Variants in DPP9 observed in about 807,000 individuals in gnomAD.
The protein encoded by DPP9 is dipeptidyl peptidase 9.
A neutral mutation model predicts 110.7 loss-of-function variants in DPP9; 50 were observed. The observed-to-expected ratio is 0.45, with a 90% CI of 0.36 to 0.57. DPP9 has a LOEUF of 0.57. Ranked by LOEUF, DPP9 falls within the 20% of genes least tolerant of loss-of-function variation. The probability of loss-of-function intolerance (pLI) is 0.00; values close to 1 mark genes in which losing one functional copy is unlikely to be tolerated. For synonymous variants in DPP9, 561 were observed against 514.4 expected, an observed-to-expected ratio of 1.09 and a Z score of -1.23; for missense variants, 1,022 against 1,217.9, an observed-to-expected ratio of 0.84 and a Z score of 2.39.
At chr19:4,713,338 C>T (rs565550923) in intron 4 of DPP9, among the ~76,000 whole-genome samples, 1 of 152,248 alleles carries the variant, frequency 6.6e-6, no homozygotes, top group Non-Finnish European at 1.5e-5. Context: ...ATCCGCTGCC[C>T]ACCTCACGGG....
In DPP9 at chr19:4,678,692, C is replaced by T. The variant is rs972841121; in HGVS notation, c.2586+1143G>A. Among the ~76,000 whole-genome samples, 3 of 152,210 alleles carry T rather than the reference C, an allele frequency of 2.0e-5. No homozygotes were observed. In the East Asian group the frequency reaches 5.8e-4, roughly 29 times the overall value. On this transcript the variant is annotated intron_variant, in intron 21 of 21. Coordinates refer to ENST00000262960, the MANE Select transcript of DPP9 (RefSeq NM_139159.5). ...TCATCACCGCACAAGGTGGCTCTGC[C>T]TCCCTCCTGCTCTGCGGCCCCATTT...
chr19:4,702,902 G>T (rs2092372589), intron 7 of DPP9, among the ~76,000 whole-genome samples, 186 bp from the exon 8 acceptor site: 1 of 149,742 alleles, frequency 6.7e-6, no homozygotes, highest in African/African-American at 2.5e-5. Flanking sequence ...AAGCAGGGTT[G>T]CTCCACCCCA....
chr19:4,684,252 C>G lies in DPP9; in HGVS notation c.2178+411G>C, dbSNP rs920597024. On this transcript the variant is annotated intron_variant, in intron 18 of 21. Coordinates refer to ENST00000262960, the MANE Select transcript of DPP9 (RefSeq NM_139159.5). This position sits in a 1 kb window ranked among gnomAD's most constrained non-coding sequence, Gnocchi z 4.8. The stretch of plus-strand genomic sequence containing the variant: ...AGGGCCTCTCTGGAGGGTTGCTGAC[C>G]AGGCAACCTCGTGGGAACAGAGAGC... 3.7e-6 allele frequency: 1 copy of G among 268,046 alleles called. No individual in the cohort carries two copies. Among genetic ancestry groups the G allele is most frequent in the Non-Finnish European group, 7.3e-6 (1 of 137,142 alleles). The allele number at this position is 268,046 out of a possible 1,614,324, so 16.6% of individuals were successfully genotyped here. A position where few individuals can be genotyped will look rare whatever the true frequency, so the allele number is the denominator to read the frequency against.
intron 10 of DPP9, among the ~76,000 whole-genome samples, chr19:4,699,318 T>C (rs1239264436): frequency 6.6e-6 from 1 of 152,096 alleles, no homozygotes; most frequent in Non-Finnish European, 1.5e-5. Flanking sequence ...GGACGCCTGG[T>C]GTCCCCATCA....
chr19:4,709,411 ATG>A (rs1369864237), intron 4 of DPP9, among the ~76,000 whole-genome samples: 1 of 152,054 alleles, frequency 6.6e-6, no homozygotes, highest in East Asian at 1.9e-4. Flanking sequence ...GTTCAGTGAG[ATG>A]TGTGTGGGAA....
In DPP9 at chr19:4,695,630, G is replaced by A. The variant is rs141662044; in HGVS notation, c.1176-75C>T. 62 of 1,304,326 alleles carry A rather than the reference G, an allele frequency of 4.8e-5. No individual in the cohort carries two copies. The highest frequency in any genetic ancestry group is 3.5e-4 in the African/African-American group (23 of 64,876). The allele number at this position is 1,304,326 out of a possible 1,614,324, so 80.8% of individuals were successfully genotyped here. On this transcript the variant is annotated intron_variant, in intron 11 of 21. Transcript: ENST00000262960. This position sits in a 1 kb window ranked among gnomAD's most constrained non-coding sequence, Gnocchi z 4.7. ...TGGCCTGCACAGAGAAGCTGGGGAC[G>A]CAGCGTCCAAACCCGTGTGGAATCA...
Position 4,684,958 on chromosome 19 carries a change from C to A in DPP9, c.2032-149G>T. The A allele has an allele frequency of 9.7e-7, 1 of 1,034,330 alleles. No homozygotes were observed. Among genetic ancestry groups the A allele is most frequent in the South Asian group, 1.4e-5 (1 of 73,154 alleles). The allele number at this position is 1,034,330 out of a possible 1,614,324, so 64.1% of individuals were successfully genotyped here. A position where few individuals can be genotyped will look rare whatever the true frequency, so the allele number is the denominator to read the frequency against. Reference sequence around the variant, plus strand: ...GTGCCCCGGAGGCTCTGGATGGACACCTGGGAGTGGCAAGGCGGGAGGGGC... The same window carrying A: ...GTGCCCCGGAGGCTCTGGATGGACAACTGGGAGTGGCAAGGCGGGAGGGGC... On this transcript the variant is annotated intron_variant, in intron 17 of 21. Coordinates refer to ENST00000262960, the MANE Select transcript of DPP9 (RefSeq NM_139159.5). This position sits in a 1 kb window ranked among gnomAD's most constrained non-coding sequence, Gnocchi z 4.8.
At position 4,693,950 on chromosome 19, in the gene DPP9, G is replaced by A. The variant is rs1453580528; in HGVS notation, c.1516+711C>T. Reference sequence around the variant, plus strand: ...GGGCTGTGGCTCTGCCCAGAGCCGTGGTGTGGACCCCTCACCTCCACAGCA... The same window carrying A: ...GGGCTGTGGCTCTGCCCAGAGCCGTAGTGTGGACCCCTCACCTCCACAGCA... On this transcript the variant is annotated intron_variant, in intron 13 of 21. Coordinates refer to ENST00000262960, the MANE Select transcript of DPP9 (RefSeq NM_139159.5). The surrounding 1 kb of genome is among the most constrained non-coding windows in gnomAD (Gnocchi z 5.0). Among the ~76,000 whole-genome samples the A allele has an allele frequency of 6.6e-6, 1 of 151,916 alleles. No homozygotes were observed. The highest frequency in any genetic ancestry group is 2.4e-5 in the African/African-American group (1 of 41,388).
intron 5 of DPP9, among the ~76,000 whole-genome samples, chr19:4,705,282 G>C (rs1474383184): frequency 6.6e-6 from 1 of 152,170 alleles, no homozygotes; most frequent in African/African-American, 2.4e-5. Context: ...GGAGTGCAAT[G>C]GTGAGATCAC....
chr19:4,679,725 C>T lies in DPP9; in HGVS notation c.2586+110G>A, dbSNP rs542589573. On this transcript the variant is annotated intron_variant, in intron 21 of 21. Coordinates refer to ENST00000262960, the MANE Select transcript of DPP9 (RefSeq NM_139159.5). ...GGGTGGGGGGCTGGGAGCCCCAGAT[C>T]CCCCAGGGAGCCCCTGGTCACAGTG... is the stretch of plus-strand genomic sequence containing the variant. The T allele has an allele frequency of 1.8e-5, 14 of 796,932 alleles. No individual in the cohort carries two copies. In the African/African-American group the frequency reaches 1.9e-4, roughly 11 times the overall value. The allele number at this position is 796,932 out of a possible 1,614,324, so 49.4% of individuals were successfully genotyped here.
intron 13 of DPP9, among the ~76,000 whole-genome samples, chr19:4,691,670 CTTTTTTTTT>C (rs1006998596): frequency 5.3e-4 from 50 of 95,090 alleles, no homozygotes; most frequent in Non-Finnish European, 8.4e-4. Flanking sequence ...TAAAACCAGA[CTTTTTTTTT>C]TTTTTTTTTT....
chr19:4,684,980 G>T lies in DPP9; in HGVS notation c.2032-171C>A. ...ACACCTGGGAGTGGCAAGGCGGGAGGGGCCCATACTCGGGACCCTGCTAGG... is the reference window on the plus strand; with the variant it reads ...ACACCTGGGAGTGGCAAGGCGGGAGTGGCCCATACTCGGGACCCTGCTAGG... On this transcript the variant is annotated intron_variant, in intron 17 of 21. Transcript: ENST00000262960. This position sits in a 1 kb window ranked among gnomAD's most constrained non-coding sequence, Gnocchi z 4.8. 1.2e-6 allele frequency: 1 copy of T among 832,622 alleles called. No homozygotes were observed. Among genetic ancestry groups the T allele is most frequent in the Non-Finnish European group, 2.0e-6 (1 of 505,294 alleles). The allele number at this position is 832,622 out of a possible 1,614,324, so 51.6% of individuals were successfully genotyped here.
chr19:4,722,765 C>A, intron 1 of DPP9: 1 of 550,486 alleles, frequency 1.8e-6, no homozygotes, highest in Non-Finnish European at 3.2e-6. Context: ...TGGGACCCAG[C>A]AGAGGAATGC....
At position 4,685,485 on chromosome 19, in the gene DPP9, C is replaced by T. The variant is rs1267998066; in HGVS notation, c.2031+141G>A. 4.2e-6 allele frequency: 4 copies of T among 954,926 alleles called. No individual in the cohort carries two copies. In the East Asian group the frequency reaches 1.1e-4, roughly 25 times the overall value. The allele number at this position is 954,926 out of a possible 1,614,324, so 59.2% of individuals were successfully genotyped here. A position where few individuals can be genotyped will look rare whatever the true frequency, so the allele number is the denominator to read the frequency against. On this transcript the variant is annotated intron_variant, in intron 17 of 21. Coordinates refer to ENST00000262960, the MANE Select transcript of DPP9 (RefSeq NM_139159.5). The surrounding 1 kb of genome is among the most constrained non-coding windows in gnomAD (Gnocchi z 5.8). ...CCCCGAGGACCCTGTGTAGTCAGGG[C>T]AGGCGGGGTGGGCTGGGGCACCAGG...
At position 4,689,002 on chromosome 19, in the gene DPP9, G is replaced by A. The variant is rs1175798591; in HGVS notation, c.1750-110C>T. The A allele has an allele frequency of 2.3e-5, 27 of 1,166,056 alleles. No individual in the cohort carries two copies. Among genetic ancestry groups the A allele is most frequent in the Non-Finnish European group, 2.9e-5 (27 of 937,132 alleles). The allele number at this position is 1,166,056 out of a possible 1,614,324, so 72.2% of individuals were successfully genotyped here. A position where few individuals can be genotyped will look rare whatever the true frequency, so the allele number is the denominator to read the frequency against. On this transcript the variant is annotated intron_variant, in intron 15 of 21. Coordinates refer to ENST00000262960, the MANE Select transcript of DPP9 (RefSeq NM_139159.5). The surrounding 1 kb of genome is among the most constrained non-coding windows in gnomAD (Gnocchi z 7.0). ...CCCTCCCGCCCGCCCCCATCCCTCTGCCCCTGCCTGTCATGAAACCTCAAA... is the reference window on the plus strand; with the variant it reads ...CCCTCCCGCCCGCCCCCATCCCTCTACCCCTGCCTGTCATGAAACCTCAAA...
chr19:4,683,899 A>C, intron 18 of DPP9: 15 of 1,263,008 alleles, frequency 1.2e-5, no homozygotes, highest in East Asian at 2.8e-5. Flanking sequence ...ATCCCTAATA[A>C]AGGGACATTA....
chr19:4,682,985 C>G lies in DPP9; in HGVS notation c.2332-147G>C, dbSNP rs1195227008. On this transcript the variant is annotated intron_variant, in intron 19 of 21. Transcript: ENST00000262960. The surrounding 1 kb of genome is among the most constrained non-coding windows in gnomAD (Gnocchi z 7.1). ...ATGGGGCCGGCAAGGAAGGGGCCCT[C>G]AGACCGCGTGGCCCCCGTGGACGGT... 1 of 1,531,776 alleles carries G rather than the reference C, an allele frequency of 6.5e-7. No homozygotes were observed. The highest frequency in any genetic ancestry group is 2.5e-5 in the East Asian group (1 of 40,762). The allele number at this position is 1,531,776 out of a possible 1,614,324, so 94.9% of individuals were successfully genotyped here.
rs2091992457 is a variant in DPP9 at position 4,698,613 on chromosome 19, G to A, written c.1075-962C>T. Among the ~76,000 whole-genome samples, 2 of 152,174 alleles carry A rather than the reference G, an allele frequency of 1.3e-5. No individual in the cohort carries two copies. Among genetic ancestry groups the A allele is most frequent in the Admixed American group, 1.3e-4 (2 of 15,272 alleles). On this transcript the variant is annotated intron_variant, in intron 10 of 21. Transcript: ENST00000262960. This position sits in a 1 kb window ranked among gnomAD's most constrained non-coding sequence, Gnocchi z 4.2. ...CAAAACCCACAATTAGTTAGGTGTGGTGGTGCATGCCTGTAGTCCCAGCTA... is the reference window on the plus strand; with the variant it reads ...CAAAACCCACAATTAGTTAGGTGTGATGGTGCATGCCTGTAGTCCCAGCTA...
chr19:4,691,600 G>A lies in DPP9; in HGVS notation c.1517-643C>T, dbSNP rs1212715008. The stretch of plus-strand genomic sequence containing the variant: ...CTGTGTGTGGCACGGGAAGGGGGGC[G>A]GGGAGTGTGGGGGAGGAGCCAACTG... On this transcript the variant is annotated intron_variant, in intron 13 of 21. Coordinates refer to ENST00000262960, the MANE Select transcript of DPP9 (RefSeq NM_139159.5). Among the ~76,000 whole-genome samples, 4 of 152,120 alleles carry A rather than the reference G, an allele frequency of 2.6e-5. No individual in the cohort carries two copies. The South Asian group carries it at 6.2e-4, about 24-fold the overall frequency.
Sources: allele counts gnomAD v4.1 joint callset (sites outside exome capture counted in the v4.1 genomes callset), GRCh38; gene constraint gnomAD v4.1.1; non-coding constraint Gnocchi (gnomAD v3.1); transcripts MANE v1.5; gene names NCBI Gene and HGNC (gene_info 2026-07-23, HGNC 2026-07-21).